TMEM232: variants seen among roughly 807,000 people sequenced by gnomAD.
TMEM232 encodes transmembrane protein 232.
Under a neutral mutation model 78.8 loss-of-function variants are expected in TMEM232, and 80 were observed. That is an observed-to-expected ratio of 1.01 (90% CI 0.85 to 1.22). The LOEUF (loss-of-function observed/expected upper bound fraction) is 1.22. TMEM232 is among the 50% of genes most tolerant of loss of function. The pLI is 0.00. For synonymous variants in TMEM232, 297 were observed against 254.3 expected (o/e 1.17, Z -1.60); for missense variants, 881 against 742.2 (o/e 1.19, Z -2.17).
chr5:110,639,236 G>A (rs1478156926), intron 4 of TMEM232, among the ~76,000 whole-genome samples: 1 of 152,074 alleles, frequency 6.6e-6, no homozygotes, highest in Non-Finnish European at 1.5e-5. Context: ...GTGGAGGGTG[G>A]ATTACAGAAT....
intron 11 of TMEM232, among the ~76,000 whole-genome samples, chr5:110,562,853 A>AT (rs757939601): frequency 6.6e-5 from 10 of 151,916 alleles, no homozygotes; most frequent in African/African-American, 9.7e-5. Flanking sequence ...AAATTAAGTG[A>AT]TTTTTTCAAA....
chr5:110,589,754 G>A (rs779106017), intron 10 of TMEM232, among the ~76,000 whole-genome samples: 3 of 152,052 alleles, frequency 2.0e-5, no homozygotes, highest in Non-Finnish European at 4.4e-5. Flanking sequence ...AACATTCAAA[G>A]AGCTCAATAA....
At chr5:110,710,579 G>C (rs1796370257) in intron 1 of TMEM232, among the ~76,000 whole-genome samples, 1 of 152,058 alleles carries the variant, frequency 6.6e-6, no homozygotes, top group Non-Finnish European at 1.5e-5. Flanking sequence ...GGGATGCAAA[G>C]ATGCTTCCAT....
At chr5:110,439,937 A>G (rs1027213512) in intron 12 of TMEM232, among the ~76,000 whole-genome samples, 1 of 152,122 alleles carries the variant, frequency 6.6e-6, no homozygotes, top group African/African-American at 2.4e-5. Context: ...CTTTTCATCA[A>G]TGCCATAGCA....
chr5:110,547,976 TG>T (rs1183446741), intron 11 of TMEM232, among the ~76,000 whole-genome samples: 1 of 126,372 alleles, frequency 7.9e-6, no homozygotes, highest in Non-Finnish European at 1.6e-5. Context: ...CCAGCCTGGG[TG>T]ACACAGCTAG....
intron 1 of TMEM232, among the ~76,000 whole-genome samples, chr5:110,701,387 C>A (rs1027503567): frequency 2.6e-5 from 4 of 151,840 alleles, no homozygotes; most frequent in African/African-American, 9.7e-5. Flanking sequence ...ATAAAACCAA[C>A]AATCAAAGAT....
intron 12 of TMEM232, among the ~76,000 whole-genome samples, chr5:110,505,721 G>C (rs1168213563): frequency 6.6e-6 from 1 of 152,082 alleles, no homozygotes; most frequent in Non-Finnish European, 1.5e-5. Context: ...TGTTGGCCAG[G>C]CTGGTCTGGA....
intron 12 of TMEM232, among the ~76,000 whole-genome samples, chr5:110,473,462 C>T (rs1762894706): frequency 6.6e-6 from 1 of 151,256 alleles, no homozygotes; most frequent in Non-Finnish European, 1.5e-5. Flanking sequence ...AAAAGGGAAC[C>T]CTTATGCACT....
chr5:110,706,513 A>G (rs1580740214), intron 1 of TMEM232, among the ~76,000 whole-genome samples: 2 of 152,176 alleles, frequency 1.3e-5, no homozygotes, highest in African/African-American at 2.4e-5. Context: ...TAGTTCATCA[A>G]TTTGAACCCG....
chr5:110,479,414 T>A (rs1763615978), intron 12 of TMEM232, among the ~76,000 whole-genome samples: 1 of 151,630 alleles, frequency 6.6e-6, no homozygotes, highest in Non-Finnish European at 1.5e-5. Context: ...ATAAAAAAAA[T>A]TACCAAAATA....
At chr5:110,593,558 TA>T (rs1779788639) in intron 10 of TMEM232, among the ~76,000 whole-genome samples, 3 of 152,110 alleles carry the variant, frequency 2.0e-5, no homozygotes, top group Admixed American at 6.5e-5. Flanking sequence ...TTAAATGAAA[TA>T]AGCCAGGCAC....
intron 1 of TMEM232, among the ~76,000 whole-genome samples, chr5:110,690,212 G>T (rs1204859680): frequency 6.6e-6 from 1 of 152,062 alleles, no homozygotes; most frequent in Non-Finnish European, 1.5e-5. Flanking sequence ...CTACAGAATG[G>T]AATAAAATTT....
At chr5:110,436,824 T>C (rs1430242030) in intron 12 of TMEM232, among the ~76,000 whole-genome samples, 1 of 152,090 alleles carries the variant, frequency 6.6e-6, no homozygotes, top group African/African-American at 2.4e-5. Flanking sequence ...TTTGTTTTTA[T>C]GACAGTACCA....
intron 1 of TMEM232, among the ~76,000 whole-genome samples, chr5:110,700,828 A>G (rs1331714326): frequency 6.6e-6 from 1 of 151,434 alleles, no homozygotes; most frequent in African/African-American, 2.4e-5. Flanking sequence ...ATAGATAGAT[A>G]TAATAGAGAA....
chr5:110,544,950 T>G (rs986855033), intron 11 of TMEM232, among the ~76,000 whole-genome samples: 2 of 152,108 alleles, frequency 1.3e-5, no homozygotes, highest in African/African-American at 4.8e-5. Context: ...AGGGACTAAA[T>G]GGAAATATCA....
At chr5:110,441,879 T>C (rs558928756) in intron 12 of TMEM232, among the ~76,000 whole-genome samples, 1 of 152,168 alleles carries the variant, frequency 6.6e-6, no homozygotes, top group African/African-American at 2.4e-5. Flanking sequence ...TCACTAGATA[T>C]ACTATTCTAG....
chr5:110,448,062 A>G lies in TMEM232; in HGVS notation c.1704-23146T>C, dbSNP rs561022989. Among the ~76,000 whole-genome samples, 271 of 152,188 alleles carry G rather than the reference A, an allele frequency of 1.8e-3. 2 individuals carry two copies. Among genetic ancestry groups the G allele is most frequent in the African/African-American group, 6.1e-3 (255 of 41,576 alleles). On this transcript the variant is annotated intron_variant, in intron 12 of 13. Transcript: ENST00000455884. ...TTACTATACCAGTTCAAAAAACTGA[A>G]TACTAAAGAAAAAATAAACTATAAG...
intron 2 of TMEM232, among the ~76,000 whole-genome samples, chr5:110,666,310 T>C (rs550123505): frequency 1.4e-4 from 22 of 152,328 alleles, no homozygotes; most frequent in Middle Eastern, 3.4e-3. Context: ...AATCACTGTA[T>C]ACATAATTTG....
chr5:110,640,049 C>T (rs532879173), intron 4 of TMEM232, among the ~76,000 whole-genome samples: 19 of 152,338 alleles, frequency 1.2e-4, no homozygotes, highest in African/African-American at 4.3e-4. Flanking sequence ...AGGGCCAGTC[C>T]TCTTCTAAAT....
Sources: allele counts gnomAD v4.1 joint callset (sites outside exome capture counted in the v4.1 genomes callset), GRCh38; gene constraint gnomAD v4.1.1; transcripts MANE v1.5; gene names NCBI Gene and HGNC (gene_info 2026-07-23, HGNC 2026-07-21).